IFT74: variants seen among roughly 807,000 people sequenced by gnomAD.
IFT74 encodes intraflagellar transport 74.
In IFT74, 92 loss-of-function variants were observed where a neutral mutation model predicts 96.7. That is an observed-to-expected ratio of 0.95 (90% CI 0.80 to 1.13). The LOEUF (loss-of-function observed/expected upper bound fraction) is 1.13, where lower values mean the gene tolerates loss of function less well. Among genes scored for constraint, IFT74 ranks in the 50% most tolerant of loss-of-function variants. IFT74 has a pLI of 0.00. For synonymous variants in IFT74, 223 were observed against 213.2 expected, an observed-to-expected ratio of 1.05 and a Z score of -0.40; for missense variants, 811 against 698.2, an observed-to-expected ratio of 1.16 and a Z score of -1.82.
At chr9:27,018,756 G>C in intron 12 of IFT74, 69 bp downstream of exon 12, 3 of 926,594 alleles carry the variant, frequency 3.2e-6, no homozygotes, top group Non-Finnish European at 4.9e-6. Context: ...TAAAGGTACA[G>C]GAGTGGCTTT....
intron 10 of IFT74, among the ~76,000 whole-genome samples, chr9:27,014,864 C>A (rs548499326): frequency 6.6e-6 from 1 of 152,362 alleles, no homozygotes; most frequent in East Asian, 1.9e-4. Context: ...GCCTTGGCCT[C>A]CCAAAGTGCT....
intron 17 of IFT74, 131 bp from the exon 18 acceptor site, chr9:27,056,203 C>A: frequency 1.5e-6 from 1 of 653,768 alleles, no homozygotes; most frequent in South Asian, 2.1e-5. Flanking sequence ...TTTTTACAAA[C>A]GGGTTTTAGA....
At chr9:26,971,383 C>T (rs1826869995) in intron 2 of IFT74, among the ~76,000 whole-genome samples, 1 of 152,164 alleles carries the variant, frequency 6.6e-6, no homozygotes, top group Non-Finnish European at 1.5e-5. Context: ...CTGAAAACCA[C>T]ATCGCACATA....
At chr9:26,992,285 A>T (rs1827921742) in intron 8 of IFT74, among the ~76,000 whole-genome samples, 3 of 152,208 alleles carry the variant, frequency 2.0e-5, no homozygotes, top group African/African-American at 7.2e-5. Flanking sequence ...ATCTTCAAAT[A>T]TGGTAATTTG....
chr9:27,058,938 T>C, intron 18 of IFT74, among the ~76,000 whole-genome samples: 1 of 152,204 alleles, frequency 6.6e-6, no homozygotes, highest in Non-Finnish European at 1.5e-5. Context: ...GGATGAGTGC[T>C]GGGGAAGAAA....
At chr9:27,035,685 T>TTGG (rs1308621814) in intron 13 of IFT74, among the ~76,000 whole-genome samples, 2 of 152,244 alleles carry the variant, frequency 1.3e-5, no homozygotes, top group African/African-American at 4.8e-5. Flanking sequence ...TACTGTATGA[T>TTGG]TTTATATACA....
chr9:27,056,332 A>G lies in IFT74; in HGVS notation c.1498-2A>G. ...CTGTCACTTCTATTTGGATCTTTCT[A>G]GAAATTACATCAGGAGAGAATGATA... is the stretch of plus-strand genomic sequence containing the variant. On this transcript the variant is annotated splice_acceptor_variant, in intron 17 of 19. Coordinates refer to ENST00000380062, the MANE Select transcript of IFT74 (RefSeq NM_025103.4). LOFTEE classifies it high-confidence loss of function. 1 of 1,556,962 alleles carries G rather than the reference A, an allele frequency of 6.4e-7. No individual in the cohort carries two copies. Among genetic ancestry groups the G allele is most frequent in the Non-Finnish European group, 8.7e-7 (1 of 1,145,404 alleles).
At chr9:26,954,188 A>G (rs1826013189), upstream of IFT74, among the ~76,000 whole-genome samples, 1 of 152,230 alleles carries the variant, frequency 6.6e-6, no homozygotes, top group South Asian at 2.1e-4. Context: ...AGTGATATGT[A>G]GTGTTAAAAT....
In IFT74 at chr9:27,062,598, C is replaced by T. The variant is rs756265845; in HGVS notation, c.1685-20C>T. The T allele has an allele frequency of 1.7e-5, 22 of 1,292,052 alleles. No homozygotes were observed. The highest frequency in any genetic ancestry group is 2.3e-5 in the Non-Finnish European group (21 of 898,934). 80.0% of individuals were successfully genotyped at this position (1,292,052 alleles called of 1,614,324 possible). On this transcript the variant is annotated intron_variant, in intron 19 of 19. Transcript: ENST00000380062. ...TAGATTTTTATTGACATTGTTTTCC[C>T]CCTTAACTCATGTAATTAGTCATAG...
chr9:26,974,248 C>T (rs912292695), intron 2 of IFT74, among the ~76,000 whole-genome samples: 4 of 152,158 alleles, frequency 2.6e-5, no homozygotes, highest in South Asian at 2.1e-4. Flanking sequence ...TGCTTTTCTG[C>T]GTCTCTCCTT....
intron 1 of IFT74, among the ~76,000 whole-genome samples, chr9:26,960,208 C>T (rs1468122172): frequency 6.6e-6 from 1 of 151,950 alleles, no homozygotes; most frequent in Non-Finnish European, 1.5e-5. Context: ...TTTTTCTTTG[C>T]TTTCTGGGCC....
At chr9:27,002,013 G>T (rs112138643) in intron 8 of IFT74, among the ~76,000 whole-genome samples, 2,179 of 152,056 alleles carry the variant, frequency 0.014, 57 homozygotes, top group African/African-American at 0.049. Context: ...ATGCACGTCT[G>T]GGGGGTCCTC....
intron 14 of IFT74, among the ~76,000 whole-genome samples, chr9:27,046,528 ATATT>A (rs1481007746): frequency 3.3e-5 from 5 of 152,178 alleles, no homozygotes; most frequent in Non-Finnish European, 7.4e-5. Context: ...ATTTCCTAGA[ATATT>A]TATTTACAAT....
rs1826609607 is a variant in IFT74, at chr9:26,966,289, C to G, written c.120+4202C>G. Among the ~76,000 whole-genome samples the G allele has an allele frequency of 2.6e-5, 4 of 152,144 alleles. No individual in the cohort carries two copies. In the South Asian group the frequency reaches 8.3e-4, roughly 32 times the overall value. ...TAGTTATACTAACTTACATTCCCCC[C>G]AACACTGTACAAAGGTTCCCTTTTC... On this transcript the variant is annotated intron_variant, in intron 2 of 19. Coordinates refer to ENST00000380062, the MANE Select transcript of IFT74 (RefSeq NM_025103.4).
At chr9:27,014,135 A>T (rs1468116787) in intron 10 of IFT74, among the ~76,000 whole-genome samples, 1 of 152,136 alleles carries the variant, frequency 6.6e-6, no homozygotes, top group Non-Finnish European at 1.5e-5. Context: ...GAATGGCATG[A>T]ACCCAGGAGG....
At chr9:27,048,389 C>G (rs902921924) in intron 16 of IFT74, 115 bp downstream of exon 16, 10 of 659,634 alleles carry the variant, frequency 1.5e-5, no homozygotes, top group Non-Finnish European at 2.4e-5. Flanking sequence ...GCCTATTGCC[C>G]CAGAATTATG....
chr9:27,039,121 A>G (rs1393144897), intron 13 of IFT74, among the ~76,000 whole-genome samples: 1 of 152,248 alleles, frequency 6.6e-6, no homozygotes, highest in African/African-American at 2.4e-5. Flanking sequence ...GGCACCAAAT[A>G]GAAATTATAA....
chr9:26,958,463 T>C (rs771281726), intron 1 of IFT74, among the ~76,000 whole-genome samples: 1 of 152,136 alleles, frequency 6.6e-6, no homozygotes, highest in Non-Finnish European at 1.5e-5. Context: ...TGCCCTGAAT[T>C]GGCCAGTGCT....
At position 26,963,464 on chromosome 9, in the gene IFT74, G is replaced by C. The variant is rs917090721; in HGVS notation, c.120+1377G>C. Among the ~76,000 whole-genome samples the C allele has an allele frequency of 2.0e-5, 3 of 150,214 alleles. No homozygotes were observed. In the Admixed American group the frequency reaches 2.0e-4, roughly 10 times the overall value. On this transcript the variant is annotated intron_variant, in intron 2 of 19. Coordinates refer to ENST00000380062, the MANE Select transcript of IFT74 (RefSeq NM_025103.4). ...AGCAGCATGATTTATAGTCCTTTGG[G>C]TATATACCCAGTAATGGGATGGCTG...
Sources: allele counts gnomAD v4.1 joint callset (sites outside exome capture counted in the v4.1 genomes callset), GRCh38; gene constraint gnomAD v4.1.1; transcripts MANE v1.5; gene names NCBI Gene and HGNC (gene_info 2026-07-23, HGNC 2026-07-21).